IL23R: variants seen among roughly 807,000 people sequenced by gnomAD.
IL23R encodes interleukin 23 receptor.
Under a neutral mutation model 56.9 loss-of-function variants are expected in IL23R, and 34 were observed. The observed-to-expected ratio is 0.60, with a 90% CI of 0.45 to 0.80. The LOEUF is 0.80. Among genes scored for constraint, IL23R ranks in the 30% least tolerant of loss-of-function variants. The probability of loss-of-function intolerance (pLI) is 0.00; values close to 1 mark genes in which losing one functional copy is unlikely to be tolerated. For missense variants in IL23R, 635 were observed against 730.0 expected, an observed-to-expected ratio of 0.87 and a Z score of 1.50; for synonymous variants, 230 against 249.2, an observed-to-expected ratio of 0.92 and a Z score of 0.73.
intron 7 of IL23R, among the ~76,000 whole-genome samples, chr1:67,226,902 C>T (rs1232823326): frequency 6.6e-6 from 1 of 152,200 alleles, no homozygotes; most frequent in Non-Finnish European, 1.5e-5. Context: ...CCCCAGCCCA[C>T]CTGGGCATTA....
intron 3 of IL23R, among the ~76,000 whole-genome samples, chr1:67,177,604 C>A (rs1647028592): frequency 6.6e-6 from 1 of 151,664 alleles, no homozygotes; most frequent in African/African-American, 2.4e-5. Context: ...TTTTGCTGTG[C>A]AGAAGCTCTT....
At chr1:67,158,625 T>C (rs1386769762) in intron 1 of IL23R, among the ~76,000 whole-genome samples, 3 of 152,164 alleles carry the variant, frequency 2.0e-5, no homozygotes, top group African/African-American at 7.2e-5. Flanking sequence ...GGTGGGCGTG[T>C]CTTATGGAAA....
intron 9 of IL23R, among the ~76,000 whole-genome samples, chr1:67,241,248 G>T (rs996287793): frequency 2.6e-5 from 4 of 152,222 alleles, no homozygotes; most frequent in African/African-American, 9.7e-5. Context: ...GGAAACAGTA[G>T]AACAGTGGGT....
chr1:67,163,228 G>A (rs1646838171), upstream of IL23R, among the ~76,000 whole-genome samples: 1 of 152,004 alleles, frequency 6.6e-6, no homozygotes, highest in Admixed American at 6.6e-5. Context: ...CAGCACTTTG[G>A]GAGGCCAAAG....
intron 4 of IL23R, among the ~76,000 whole-genome samples, chr1:67,184,325 C>T (rs1647215842): frequency 6.6e-6 from 1 of 152,042 alleles, no homozygotes. Context: ...GTGGGTGCAT[C>T]ACCTGAGATC....
At position 67,200,760 on chromosome 1, in the gene IL23R, A is replaced by G; in HGVS notation, c.515A>G (p.Gln172Arg). 6.2e-7 allele frequency: 1 copy of G among 1,613,964 alleles called. No individual in the cohort carries two copies. The highest frequency in any genetic ancestry group is 8.5e-7 in the Non-Finnish European group (1 of 1,179,904). Reference sequence around the variant, plus strand: ...AGTTTAGAGACAGAAGAAGAGCAACAGTATCTCACCTCAAGCTATATTAAC... The same window carrying G: ...AGTTTAGAGACAGAAGAAGAGCAACGGTATCTCACCTCAAGCTATATTAAC... ...VKSLETEEEQ[Q>R]YLTSSYINIS... Residue 172 changes from glutamine (Q) to arginine (R), a missense_variant, in exon 5 of 11, where the codon CAG (glutamine) becomes CGG (arginine). Gln to Arg is a conservative substitution (Grantham distance 43, BLOSUM62 1). Transcript: ENST00000347310.
downstream of IL23R, among the ~76,000 whole-genome samples, chr1:67,262,570 C>T (rs1653227505): frequency 6.6e-6 from 1 of 152,106 alleles, no homozygotes; most frequent in African/African-American, 2.4e-5. Context: ...TTACTTCTTT[C>T]CCTCCCGTAC....
intron 6 of IL23R, among the ~76,000 whole-genome samples, chr1:67,216,869 A>G (rs539583619): frequency 1.3e-5 from 2 of 152,286 alleles, no homozygotes; most frequent in East Asian, 3.9e-4. Context: ...GGAAAAATGT[A>G]TGATTAGTCA....
intron 1 of IL23R, among the ~76,000 whole-genome samples, chr1:67,160,633 A>G (rs114374263): frequency 0.014 from 2,112 of 152,326 alleles, 48 homozygotes; most frequent in African/African-American, 0.048. Context: ...AAGATCTGCA[A>G]AACAGAATGA....
At chr1:67,222,102 C>CTTTTTTTTTTTTTTTTTTTTTTTTTTTT (rs72241835) in intron 7 of IL23R, among the ~76,000 whole-genome samples, 3 of 58,890 alleles carry the variant, frequency 5.1e-5, no homozygotes, top group Admixed American at 2.8e-4. Flanking sequence ...TTCTTTCTTT[C>CTTTTTTTTTTTTTTTTTTTTTTTTTTTT]TTTTTTTTTT....
At chr1:67,143,123 A>C (rs1274109733) in intron 1 of IL23R, among the ~76,000 whole-genome samples, 1 of 152,116 alleles carries the variant, frequency 6.6e-6, no homozygotes, top group Non-Finnish European at 1.5e-5. Context: ...AAGGCTATGC[A>C]TGTGCTCCCC....
At position 67,169,339 on chromosome 1, in the gene IL23R, T is replaced by C; in HGVS notation, c.71-3T>C. 1 of 1,600,230 alleles carries C rather than the reference T, an allele frequency of 6.2e-7. No homozygotes were observed. Among genetic ancestry groups the C allele is most frequent in the Non-Finnish European group, 8.5e-7 (1 of 1,170,500 alleles). ...AATTTATTATTTTTCCATTTATTTC[T>C]AGGAATTACAAATATAAACTGCTCT... is the stretch of plus-strand genomic sequence containing the variant. On this transcript the variant is annotated splice_polypyrimidine_tract_variant and splice_region_variant and intron_variant, in intron 2 of 10. Transcript: ENST00000347310.
chr1:67,168,132 C>T lies in IL23R; in HGVS notation c.12C>T (p.Val4=). MNQ[V]TIQWDAVIAL... is the part of the protein sequence containing the mutation. Reference sequence around the variant, plus strand: ...TCCTGCTTCCAGACATGAATCAGGTCACTATTCAATGGGATGCAGTAATAG... The same window carrying T: ...TCCTGCTTCCAGACATGAATCAGGTTACTATTCAATGGGATGCAGTAATAG... Residue 4 remains valine, a synonymous_variant, in exon 2 of 11, where the codon GTC becomes GTT. Coordinates refer to ENST00000347310, the MANE Select transcript of IL23R (RefSeq NM_144701.3). The T allele has an allele frequency of 6.2e-7, 1 of 1,610,414 alleles. No homozygotes were observed. Among genetic ancestry groups the T allele is most frequent in the Non-Finnish European group, 8.5e-7 (1 of 1,176,864 alleles).
At chr1:67,246,946 TA>T in intron 9 of IL23R, among the ~76,000 whole-genome samples, 1 of 152,300 alleles carries the variant, frequency 6.6e-6, no homozygotes, top group South Asian at 2.1e-4. Context: ...TGTGGGAGTC[TA>T]AGTCTCTTTG....
intron 1 of IL23R, among the ~76,000 whole-genome samples, chr1:67,150,861 G>T (rs549462177): frequency 6.6e-6 from 1 of 152,206 alleles, no homozygotes; most frequent in East Asian, 1.9e-4. Flanking sequence ...TCATTGATGG[G>T]TATTTGGGTT....
chr1:67,233,538 G>A (rs1414426537), intron 7 of IL23R, among the ~76,000 whole-genome samples: 1 of 152,094 alleles, frequency 6.6e-6, no homozygotes, highest in Admixed American at 6.6e-5. Flanking sequence ...AAACTAGCCT[G>A]GTGTTTTGGT....
At chr1:67,227,945 T>TCTTTCTTTCTTC (rs1170649947) in intron 7 of IL23R, among the ~76,000 whole-genome samples, 65 of 3,998 alleles carry the variant, frequency 0.016, 13 homozygotes, top group African/African-American at 0.028. Context: ...CAAAGATCTT[T>TCTTTCTTTCTTC]CTTTCTTTCT....
chr1:67,222,452 AAGTT>A (rs1269336677), intron 7 of IL23R, among the ~76,000 whole-genome samples: 1 of 151,978 alleles, frequency 6.6e-6, no homozygotes, highest in Non-Finnish European at 1.5e-5. Flanking sequence ...TCTTTTTTAA[AAGTT>A]AGTTTTTAAT....
At position 67,146,808 on chromosome 1, in the gene IL23R, G is replaced by T. The variant is rs77541692; in HGVS notation, c.-634+7647G>T. 2.4e-3 allele frequency among the ~76,000 whole-genome samples: 373 copies of T among 152,276 alleles called. 1 individual carries two copies. Among genetic ancestry groups the T allele is most frequent in the African/African-American group, 8.5e-3 (355 of 41,540 alleles). On this transcript the variant is annotated intron_variant, in intron 1 of 10. Coordinates refer to the IL23R transcript ENST00000637002. ...AAGACTAGAGACATTTATCAGTGCA[G>T]GATACCTCCCCTATCTTCACGATTA... is the stretch of plus-strand genomic sequence containing the variant.
Sources: gnomAD v4.1 joint callset for allele counts (sites outside exome capture counted in the v4.1 genomes callset) on GRCh38, gnomAD v4.1.1 for gene constraint, MANE v1.5 for transcripts, NCBI Gene and HGNC (gene_info 2026-07-23, HGNC 2026-07-21) for gene names.